TOMM70: variants seen among roughly 807,000 people sequenced by gnomAD.
TOMM70 encodes the protein mitochondrial import receptor subunit TOM70.
In TOMM70, 13 loss-of-function variants were observed where a neutral mutation model predicts 73.6. The ratio of observed to expected loss-of-function variants is 0.18; its 90% CI spans 0.11 to 0.28. The LOEUF (loss-of-function observed/expected upper bound fraction) is 0.28, where lower values mean the gene tolerates loss of function less well. TOMM70 is among the 10% of genes least tolerant of loss of function. The pLI is 1.00. For synonymous variants in TOMM70, 257 were observed against 271.2 expected (o/e 0.95, Z 0.51); for missense variants, 609 against 747.5 (o/e 0.81, Z 2.16).
At chr3:100,400,270 A>T (rs1262743317) in intron 1 of TOMM70, among the ~76,000 whole-genome samples, 1 of 152,206 alleles carries the variant, frequency 6.6e-6, no homozygotes, top group Non-Finnish European at 1.5e-5. Flanking sequence ...AACAGTTCGT[A>T]TCACGATGTA....
At position 100,386,998 on chromosome 3, in the gene TOMM70, T is replaced by A. The variant is rs1182179763; in HGVS notation, c.325-20A>T. On this transcript the variant is annotated intron_variant, in intron 1 of 11. Coordinates refer to ENST00000284320, the MANE Select transcript of TOMM70 (RefSeq NM_014820.5). ...AGAGTTCTGAAATGAGAGGAAACAA[T>A]TATCAAACACTAATCAACATTCACA... is the stretch of plus-strand genomic sequence containing the variant. 6.2e-7 allele frequency: 1 copy of A among 1,609,646 alleles called. No homozygotes were observed. The highest frequency in any genetic ancestry group is 1.3e-5 in the African/African-American group (1 of 74,584).
At chr3:100,380,007 A>G (rs1203865690) in intron 5 of TOMM70, among the ~76,000 whole-genome samples, 1 of 152,162 alleles carries the variant, frequency 6.6e-6, no homozygotes, top group African/African-American at 2.4e-5. Flanking sequence ...TGACATTCCA[A>G]TGTTGCCTAC....
At chr3:100,396,527 T>C (rs1706826913) in intron 1 of TOMM70, among the ~76,000 whole-genome samples, 2 of 152,190 alleles carry the variant, frequency 1.3e-5, no homozygotes, top group Non-Finnish European at 1.5e-5. Flanking sequence ...AAGAAGTATC[T>C]GGGACATTGG....
Position 100,365,729 on chromosome 3 carries a change from A to C in TOMM70, c.1674-12T>G. 6.2e-7 allele frequency: 1 copy of C among 1,613,590 alleles called. No individual in the cohort carries two copies. The highest frequency in any genetic ancestry group is 2.2e-5 in the East Asian group (1 of 44,868). ...TCTCCATGTTTCCTCTAAAAGAACA[A>C]AATTTTTAAGTCTCAGATTCAACAA... On this transcript the variant is annotated splice_polypyrimidine_tract_variant and intron_variant, in intron 11 of 11. Transcript: ENST00000284320.
At chr3:100,375,260 C>T (rs916926063) in intron 6 of TOMM70, 108 bp from the exon 7 acceptor site, 8 of 1,346,336 alleles carry the variant, frequency 5.9e-6, no homozygotes, top group Non-Finnish European at 7.8e-6. Context: ...AAAGGTCACC[C>T]TTTTAAAGTA....
At chr3:100,372,862 C>T in intron 8 of TOMM70, 140 bp from the exon 9 acceptor site, 1 of 700,206 alleles carries the variant, frequency 1.4e-6, no homozygotes, top group South Asian at 1.9e-5. Context: ...AAAAGGGTTC[C>T]AAGTAGGTAT....
Position 100,399,734 on chromosome 3 carries a change from ATTTTTTTTT to A in TOMM70, c.324+883_324+891del, listed in dbSNP as rs34524680. Among the ~76,000 whole-genome samples, 10 of 126,054 alleles carry A rather than the reference ATTTTTTTTT, an allele frequency of 7.9e-5. No individual in the cohort carries two copies. The South Asian group carries it at 1.6e-3, about 21-fold the overall frequency. The allele number at this position is 126,054 out of a possible 152,430, so 82.7% of individuals were successfully genotyped here. A position where few individuals can be genotyped will look rare whatever the true frequency, so the allele number is the denominator to read the frequency against. ...TCAAAAAGTTTAAGAAGTCACTCCC[ATTTTTTTTT>A]TTTTTTTTTTTGTATGTGTGTGTAG... On this transcript the variant is annotated intron_variant, in intron 1 of 11. Transcript: ENST00000284320.
chr3:100,365,691 A>G lies in TOMM70; in HGVS notation c.1700T>C (p.Met567Thr). 6.2e-7 allele frequency: 1 copy of G among 1,614,182 alleles called. No homozygotes were observed. Among genetic ancestry groups the G allele is most frequent in the East Asian group, 2.2e-5 (1 of 44,880 alleles). Residue 567 changes from methionine to threonine, a missense_variant, in exon 12 of 12, where the codon ATG becomes ACG. This residue lies in a region of TOMM70 where 432 missense variants were observed against 584.1 expected (regional missense o/e 0.74). Coordinates refer to ENST00000284320, the MANE Select transcript of TOMM70 (RefSeq NM_014820.5). ...QRGNMEKAID[M>T]FNKAINLAKS... Reference sequence around the variant, plus strand: ...GGCCAGGTTAATAGCTTTGTTGAACATGTCAATGGCTTTCTCCATGTTTCC... The same window carrying G: ...GGCCAGGTTAATAGCTTTGTTGAACGTGTCAATGGCTTTCTCCATGTTTCC...
intron 1 of TOMM70, among the ~76,000 whole-genome samples, chr3:100,391,665 G>A (rs1445558770): frequency 2.0e-5 from 3 of 152,096 alleles, no homozygotes; most frequent in South Asian, 4.1e-4. Context: ...TCGAATTCCT[G>A]AGATTAAGCA....
chr3:100,377,065 G>A (rs1023477584), intron 6 of TOMM70, among the ~76,000 whole-genome samples: 71 of 152,230 alleles, frequency 4.7e-4, no homozygotes, highest in African/African-American at 1.7e-3. Context: ...AGAGGCTACA[G>A]AGTTCATTTA....
chr3:100,366,212 G>T (rs1158336875), intron 11 of TOMM70, among the ~76,000 whole-genome samples: 1 of 152,086 alleles, frequency 6.6e-6, no homozygotes, highest in Non-Finnish European at 1.5e-5. Context: ...TCTCTTACCA[G>T]CACATCCCCA....
chr3:100,390,645 G>A (rs763389562), intron 1 of TOMM70, among the ~76,000 whole-genome samples: 1 of 152,120 alleles, frequency 6.6e-6, no homozygotes, highest in Non-Finnish European at 1.5e-5. Context: ...TGACCAACAC[G>A]GTGAAACCCC....
chr3:100,377,584 T>A (rs1229079644), intron 6 of TOMM70, 121 bp downstream of exon 6: 1 of 875,560 alleles, frequency 1.1e-6, no homozygotes, highest in Non-Finnish European at 1.8e-6. Flanking sequence ...AGTAGTTTCT[T>A]CAAAAACAAA....
At chr3:100,365,803 T>C (rs1706442846) in intron 11 of TOMM70, 86 bp from the exon 12 acceptor site, 1 of 1,470,348 alleles carries the variant, frequency 6.8e-7, no homozygotes, top group East Asian at 2.3e-5. Context: ...ACATGAAGTC[T>C]GACCACTAAG....
At chr3:100,366,936 T>C (rs1222430910) in intron 11 of TOMM70, among the ~76,000 whole-genome samples, 11 of 152,212 alleles carry the variant, frequency 7.2e-5, no homozygotes, top group Admixed American at 7.2e-4. Flanking sequence ...AGAAATAATT[T>C]AGGCTGGGTG....
chr3:100,386,874 C>G lies in TOMM70; in HGVS notation c.429G>C (p.Leu143Phe). 2 of 1,614,128 alleles carry G rather than the reference C, an allele frequency of 1.2e-6. No individual in the cohort carries two copies. The highest frequency in any genetic ancestry group is 1.7e-6 in the Non-Finnish European group (2 of 1,180,010). ...GGTCAACATTCTTCTCTGTAGGGCACAAGCTAATAGCCTCAGTATAGCACT... is the reference window on the plus strand; with the variant it reads ...GGTCAACATTCTTCTCTGTAGGGCAGAAGCTAATAGCCTCAGTATAGCACT... The part of the protein sequence containing the change: ...AIQCYTEAIS[L>F]CPTEKNVDLS... The change falls in exon 2 of 12, where the codon TTG becomes TTC. Residue 143 changes from leucine to phenylalanine, a missense_variant. Transcript: ENST00000284320.
At chr3:100,368,398 T>C (rs1435466422) in intron 10 of TOMM70, among the ~76,000 whole-genome samples, 1 of 152,186 alleles carries the variant, frequency 6.6e-6, no homozygotes, top group Non-Finnish European at 1.5e-5. Context: ...ATTACCAATC[T>C]TGCATCCCTT....
rs191489263 is a variant in TOMM70, at chr3:100,382,876, C to T, written c.736-1113G>A. On this transcript the variant is annotated intron_variant, in intron 4 of 11. Coordinates refer to ENST00000284320, the MANE Select transcript of TOMM70 (RefSeq NM_014820.5). ...ATGTGATATTATGCATGTCATTAAA[C>T]GTCTAGTATCAGTGTTCTCATCTCT... 2.4e-3 allele frequency among the ~76,000 whole-genome samples: 360 copies of T among 152,200 alleles called. 1 individual carries two copies. Among genetic ancestry groups the T allele is most frequent in the African/African-American group, 6.7e-3 (277 of 41,546 alleles).
At chr3:100,366,835 T>G (rs1706451833) in intron 11 of TOMM70, among the ~76,000 whole-genome samples, 1 of 152,246 alleles carries the variant, frequency 6.6e-6, no homozygotes, top group Non-Finnish European at 1.5e-5. Flanking sequence ...CTAAGAAGAA[T>G]CCACAGCTTC....
Sources: allele counts gnomAD v4.1 joint callset (sites outside exome capture counted in the v4.1 genomes callset), GRCh38; gene constraint gnomAD v4.1.1; regional missense constraint gnomAD v4.1.1; transcripts MANE v1.5; gene names NCBI Gene and HGNC (gene_info 2026-07-23, HGNC 2026-07-21).